PLXDC2: variants seen among roughly 807,000 people sequenced by gnomAD.
The protein encoded by PLXDC2 is plexin domain containing 2, also known as plexin domain-containing protein 2.
PLXDC2 carries 40 observed loss-of-function variants against 68.9 expected under a neutral mutation model. That is an observed-to-expected ratio of 0.58 (90% CI 0.45 to 0.76). The LOEUF is 0.76. PLXDC2 is among the 30% of genes least tolerant of loss of function. PLXDC2 has a pLI of 0.00. For missense variants in PLXDC2, 644 were observed against 661.9 expected, an observed-to-expected ratio of 0.97 and a Z score of 0.30; for synonymous variants, 243 against 234.2, an observed-to-expected ratio of 1.04 and a Z score of -0.34.
chr10:20,125,384 G>T (rs1029766672), intron 4 of PLXDC2, among the ~76,000 whole-genome samples: 2 of 152,202 alleles, frequency 1.3e-5, no homozygotes, highest in African/African-American at 4.8e-5. Context: ...ATTTGAAGTG[G>T]TGTAGAACTG....
At chr10:19,834,697 G>C (rs959100391) in intron 1 of PLXDC2, among the ~76,000 whole-genome samples, 3 of 152,192 alleles carry the variant, frequency 2.0e-5, no homozygotes, top group Admixed American at 1.3e-4. Context: ...TTAATATGCT[G>C]TTAGGTTGGG....
chr10:20,033,206 T>TA, intron 2 of PLXDC2, among the ~76,000 whole-genome samples: 1 of 150,970 alleles, frequency 6.6e-6, no homozygotes, highest in East Asian at 1.9e-4. Flanking sequence ...AAAAATAAAA[T>TA]AAAAAAATAA....
chr10:19,926,370 G>A lies in PLXDC2; in HGVS notation c.113-75405G>A, dbSNP rs577211006. ...CAGTTCTGCCATAGGGTGGGTGGCA[G>A]GTGTTTATTGTTTGCAGTATTGCAG... On this transcript the variant is annotated intron_variant, in intron 1 of 13. Transcript: ENST00000377252. Among the ~76,000 whole-genome samples, 30 of 152,274 alleles carry A rather than the reference G, an allele frequency of 2.0e-4. No homozygotes were observed. In the South Asian group the frequency reaches 6.0e-3, roughly 30 times the overall value.
intron 2 of PLXDC2, among the ~76,000 whole-genome samples, chr10:20,003,670 G>T (rs564882899): frequency 9.2e-5 from 14 of 152,258 alleles, no homozygotes; most frequent in African/African-American, 3.4e-4. Context: ...GACCTCAAGT[G>T]ATCAACCTGC....
intron 7 of PLXDC2, among the ~76,000 whole-genome samples, chr10:20,172,535 A>G (rs1329162355): frequency 6.6e-6 from 1 of 152,066 alleles, no homozygotes; most frequent in Non-Finnish European, 1.5e-5. Context: ...GGGACATGTG[A>G]GTATTTTTAC....
At chr10:20,061,562 T>G (rs1483004876) in intron 3 of PLXDC2, among the ~76,000 whole-genome samples, 2 of 152,134 alleles carry the variant, frequency 1.3e-5, no homozygotes, top group South Asian at 4.1e-4. Context: ...AAAGCTACCA[T>G]TTTTTCCTTT....
chr10:19,987,713 C>CA (rs1194243980), intron 1 of PLXDC2, among the ~76,000 whole-genome samples: 1 of 151,816 alleles, frequency 6.6e-6, no homozygotes, highest in Non-Finnish European at 1.5e-5. Context: ...AGGCGCCCGC[C>CA]ACCACCCCCG....
intron 13 of PLXDC2, among the ~76,000 whole-genome samples, chr10:20,249,123 C>T (rs184946787): frequency 1.7e-4 from 26 of 152,046 alleles, no homozygotes; most frequent in Non-Finnish European, 3.8e-4. Context: ...TTTTAAAGAA[C>T]ATTTTTCTGT....
At chr10:20,194,424 TG>T (rs1423071679) in intron 9 of PLXDC2, among the ~76,000 whole-genome samples, 1 of 151,986 alleles carries the variant, frequency 6.6e-6, no homozygotes, top group East Asian at 1.9e-4. Context: ...AAAAACATAA[TG>T]TTTTTTGGTC....
intron 5 of PLXDC2, among the ~76,000 whole-genome samples, chr10:20,144,618 C>G (rs189636760): frequency 1.6e-3 from 239 of 152,240 alleles, no homozygotes; most frequent in Middle Eastern, 3.4e-3. Context: ...GGTGCTAACA[C>G]CCAAGGATGT....
At chr10:19,861,103 C>T (rs1044735945) in intron 1 of PLXDC2, among the ~76,000 whole-genome samples, 5 of 151,102 alleles carry the variant, frequency 3.3e-5, no homozygotes, top group South Asian at 2.1e-4. Flanking sequence ...GGCATGATCT[C>T]GGCTCACTGC....
At chr10:19,893,557 G>A (rs1838004434) in intron 1 of PLXDC2, among the ~76,000 whole-genome samples, 1 of 152,092 alleles carries the variant, frequency 6.6e-6, no homozygotes, top group South Asian at 2.1e-4. Flanking sequence ...ATAACTTTGG[G>A]GCTTGATTTA....
intron 1 of PLXDC2, among the ~76,000 whole-genome samples, chr10:19,874,511 A>G (rs971486180): frequency 2.6e-5 from 4 of 152,170 alleles, no homozygotes; most frequent in African/African-American, 9.7e-5. Flanking sequence ...AGGAATTGCA[A>G]AAGTAGGATC....
intron 4 of PLXDC2, among the ~76,000 whole-genome samples, chr10:20,113,418 C>G (rs966659921): frequency 3.3e-5 from 5 of 152,182 alleles, no homozygotes; most frequent in Non-Finnish European, 7.3e-5. Flanking sequence ...TCAGCCCTTT[C>G]GCCCTTTATC....
intron 2 of PLXDC2, among the ~76,000 whole-genome samples, chr10:20,011,114 T>A (rs1490901275): frequency 6.6e-6 from 1 of 152,232 alleles, no homozygotes; most frequent in African/African-American, 2.4e-5. Context: ...GTTGATTTTT[T>A]AAAATCATGT....
intron 1 of PLXDC2, among the ~76,000 whole-genome samples, chr10:19,986,710 TGTC>T (rs1834648043): frequency 6.6e-6 from 1 of 152,238 alleles, no homozygotes; most frequent in African/African-American, 2.4e-5. Context: ...AACACGGTGA[TGTC>T]TTTTCCTCTC....
intron 13 of PLXDC2, among the ~76,000 whole-genome samples, chr10:20,250,122 G>T (rs2119345127): frequency 6.6e-6 from 1 of 152,098 alleles, no homozygotes; most frequent in Middle Eastern, 3.4e-3. Context: ...ACAAAAATTA[G>T]CCAGGCATGG....
chr10:20,117,827 G>C (rs921999118), intron 4 of PLXDC2, among the ~76,000 whole-genome samples: 15 of 152,122 alleles, frequency 9.9e-5, no homozygotes, highest in Non-Finnish European at 1.8e-4. Context: ...GAAAATCTCA[G>C]TCAAGATGAA....
intron 1 of PLXDC2, among the ~76,000 whole-genome samples, chr10:19,960,387 G>GAATAA (rs1369298420): frequency 2.6e-5 from 4 of 151,324 alleles, no homozygotes; most frequent in African/African-American, 7.3e-5. Context: ...TGAATAAGAA[G>GAATAA]AATAAAATAA....
Sources: gnomAD v4.1 joint callset for allele counts (sites outside exome capture counted in the v4.1 genomes callset) on GRCh38, gnomAD v4.1.1 for gene constraint, MANE v1.5 for transcripts, NCBI Gene and HGNC (gene_info 2026-07-23, HGNC 2026-07-21) for gene names.